The following EPS15 variants were observed in gnomAD, a reference collection of about 807,000 sequenced individuals.
The protein encoded by EPS15 is epidermal growth factor receptor pathway substrate 15.
EPS15 carries 72 observed loss-of-function variants against 113.8 expected under a neutral mutation model. The observed-to-expected ratio is 0.63, with a 90% CI of 0.52 to 0.77. EPS15 has a LOEUF of 0.77. Ranked by LOEUF, EPS15 falls within the 30% of genes least tolerant of loss-of-function variation. The pLI, the probability that EPS15 is intolerant of heterozygous loss-of-function variation, is 0.00. For synonymous variants in EPS15, 344 were observed against 363.4 expected, an observed-to-expected ratio of 0.95 and a Z score of 0.61; for missense variants, 1,048 against 1,045.8, an observed-to-expected ratio of 1.00 and a Z score of -0.03.
intron 12 of EPS15, among the ~76,000 whole-genome samples, chr1:51,434,671 ATTTC>A (rs1480461841): frequency 1.3e-5 from 2 of 152,010 alleles, no homozygotes; most frequent in South Asian, 2.1e-4. Context: ...CTGTGAATAT[ATTTC>A]TTTTTCTTTT....
chr1:51,440,819 T>C (rs1652540833), intron 11 of EPS15, among the ~76,000 whole-genome samples: 2 of 152,242 alleles, frequency 1.3e-5, no homozygotes, highest in South Asian at 4.1e-4. Context: ...TATTTGTATT[T>C]GTATAAACTG....
At chr1:51,438,123 G>C (rs1164843324) in intron 12 of EPS15, among the ~76,000 whole-genome samples, 2 of 152,180 alleles carry the variant, frequency 1.3e-5, no homozygotes, top group East Asian at 3.9e-4. Flanking sequence ...GACACTAATG[G>C]AGTTGACAGA....
intron 21 of EPS15, among the ~76,000 whole-genome samples, chr1:51,390,935 A>G (rs1647287192): frequency 6.6e-6 from 1 of 152,220 alleles, no homozygotes; most frequent in Non-Finnish European, 1.5e-5. Context: ...AACTAGAAAT[A>G]CCATTTGACC....
At chr1:51,514,079 A>G (rs1305435780) in intron 1 of EPS15, among the ~76,000 whole-genome samples, 2 of 152,172 alleles carry the variant, frequency 1.3e-5, no homozygotes, top group African/African-American at 4.8e-5. Context: ...GCTTTCTTCT[A>G]CGCATGCTTA....
At chr1:51,400,712 C>CAAAAAAAAAAAAAAAAAAAAAAAAAA (rs375748381) in intron 19 of EPS15, among the ~76,000 whole-genome samples, 6 of 60,182 alleles carry the variant, frequency 1.0e-4, no homozygotes, top group Non-Finnish European at 1.6e-4. Context: ...CAAAAAACAC[C>CAAAAAAAAAAAAAAAAAAAAAAAAAA]AAAAAAAAAA....
intron 12 of EPS15, among the ~76,000 whole-genome samples, chr1:51,424,874 G>A (rs1028473012): frequency 1.3e-5 from 2 of 151,986 alleles, no homozygotes; most frequent in African/African-American, 4.8e-5. Context: ...CTGCACTCCA[G>A]CCTGGGCAAC....
At chr1:51,414,409 T>A (rs1232964410) in intron 13 of EPS15, among the ~76,000 whole-genome samples, 1 of 150,366 alleles carries the variant, frequency 6.7e-6, no homozygotes, top group African/African-American at 2.5e-5. Context: ...AGAGTGAAAC[T>A]CCATCTCAAA....
intron 1 of EPS15, among the ~76,000 whole-genome samples, chr1:51,495,507 T>C (rs1305538934): frequency 4.6e-5 from 7 of 152,072 alleles, no homozygotes; most frequent in Non-Finnish European, 1.0e-4. Context: ...TTTTATACTA[T>C]AGACCTAACA....
chr1:51,428,614 G>A (rs1651424989), intron 12 of EPS15, among the ~76,000 whole-genome samples: 1 of 152,016 alleles, frequency 6.6e-6, no homozygotes, highest in Admixed American at 6.6e-5. Context: ...ATCACCTGAG[G>A]TCAGGAGTTC....
chr1:51,387,259 A>C (rs1430268690), intron 21 of EPS15, among the ~76,000 whole-genome samples: 1 of 152,118 alleles, frequency 6.6e-6, no homozygotes, highest in African/African-American at 2.4e-5. Flanking sequence ...CTTTACAGAC[A>C]AGCAAATGCT....
chr1:51,369,421 T>C (rs141839414), intron 21 of EPS15, among the ~76,000 whole-genome samples: 5 of 152,334 alleles, frequency 3.3e-5, no homozygotes, highest in Non-Finnish European at 4.4e-5. Flanking sequence ...GGTGACTTTC[T>C]TCCTCTTGGT....
At chr1:51,470,398 A>T (rs1423709593) in intron 4 of EPS15, among the ~76,000 whole-genome samples, 1 of 152,098 alleles carries the variant, frequency 6.6e-6, no homozygotes, top group Non-Finnish European at 1.5e-5. Context: ...TAATCCCAGC[A>T]CTTTGGGAGG....
At chr1:51,405,131 G>A (rs1338555152) in intron 16 of EPS15, among the ~76,000 whole-genome samples, 1 of 152,148 alleles carries the variant, frequency 6.6e-6, no homozygotes, top group Non-Finnish European at 1.5e-5. Context: ...TGTCCTAACT[G>A]AAAATTCTGC....
At chr1:51,511,925 G>A (rs1285600194) in intron 1 of EPS15, among the ~76,000 whole-genome samples, 2 of 152,156 alleles carry the variant, frequency 1.3e-5, no homozygotes, top group African/African-American at 2.4e-5. Context: ...GTTTAAAGGA[G>A]GGAGGAAGTG....
intron 21 of EPS15, among the ~76,000 whole-genome samples, chr1:51,377,357 T>C (rs748311456): frequency 1.3e-5 from 2 of 152,202 alleles, no homozygotes; most frequent in Non-Finnish European, 2.9e-5. Flanking sequence ...CCAACCGTCA[T>C]GTATTACTGA....
intron 13 of EPS15, among the ~76,000 whole-genome samples, chr1:51,418,731 T>G (rs1200682257): frequency 3.9e-5 from 6 of 152,180 alleles, no homozygotes; most frequent in Admixed American, 3.3e-4. Context: ...ACTTACCAAG[T>G]GCCAATCACT....
chr1:51,387,854 C>A (rs1366806545), intron 21 of EPS15, among the ~76,000 whole-genome samples: 1 of 152,180 alleles, frequency 6.6e-6, no homozygotes, highest in East Asian at 1.9e-4. Context: ...GACTTAGACT[C>A]CCACACAATA....
intron 12 of EPS15, among the ~76,000 whole-genome samples, chr1:51,429,789 T>G (rs1651552460): frequency 6.6e-6 from 1 of 152,106 alleles, no homozygotes; most frequent in African/African-American, 2.4e-5. Context: ...TAGCTGGGAT[T>G]ACAGGCATCC....
intron 21 of EPS15, among the ~76,000 whole-genome samples, chr1:51,377,340 G>A (rs1238340315): frequency 6.6e-6 from 1 of 152,182 alleles, no homozygotes; most frequent in Non-Finnish European, 1.5e-5. Flanking sequence ...TTTGAAAGAA[G>A]TTACATCCAA....
Sources: allele counts gnomAD v4.1 joint callset (sites outside exome capture counted in the v4.1 genomes callset), GRCh38; gene constraint gnomAD v4.1.1; transcripts MANE v1.5; gene names NCBI Gene and HGNC (gene_info 2026-07-23, HGNC 2026-07-21).